The following PITPNC1 variants were observed in gnomAD, a reference collection of about 807,000 sequenced individuals.
PITPNC1 encodes cytoplasmic phosphatidylinositol transfer protein 1.
In PITPNC1, 18 loss-of-function variants were observed where a neutral mutation model predicts 44.7. The observed-to-expected ratio is 0.40, with a 90% CI of 0.28 to 0.60. The LOEUF (loss-of-function observed/expected upper bound fraction) is 0.60. Ranked by LOEUF, PITPNC1 falls within the 20% of genes least tolerant of loss-of-function variation. PITPNC1 has a pLI of 0.39. For missense variants in PITPNC1, 290 were observed against 418.4 expected, an observed-to-expected ratio of 0.69 and a Z score of 2.68; for synonymous variants, 141 against 149.6, an observed-to-expected ratio of 0.94 and a Z score of 0.42.
intron 7 of PITPNC1, among the ~76,000 whole-genome samples, chr17:67,675,177 A>C (rs1256611121): frequency 6.6e-6 from 1 of 152,148 alleles, no homozygotes; most frequent in Non-Finnish European, 1.5e-5. Flanking sequence ...TAACCTAGAT[A>C]TTTATTTGTA....
chr17:67,382,512 G>T (rs1159740012), intron 1 of PITPNC1, among the ~76,000 whole-genome samples: 3 of 152,132 alleles, frequency 2.0e-5, no homozygotes, highest in Non-Finnish European at 4.4e-5. Flanking sequence ...CTGTTGGAAA[G>T]GTATGAACAG....
chr17:67,399,468 G>A (rs2038275571), intron 1 of PITPNC1, among the ~76,000 whole-genome samples: 1 of 152,150 alleles, frequency 6.6e-6, no homozygotes, highest in South Asian at 2.1e-4. Context: ...CAAATGCGTT[G>A]TTGATGTTGA....
chr17:67,607,967 C>A (rs1401614028), intron 5 of PITPNC1, among the ~76,000 whole-genome samples: 2 of 151,904 alleles, frequency 1.3e-5, no homozygotes, highest in African/African-American at 4.8e-5. Flanking sequence ...TGACCTCAGG[C>A]GATTCACCCA....
intron 8 of PITPNC1, among the ~76,000 whole-genome samples, chr17:67,677,593 A>AGTCTCGCACTGTCGTACGT (rs2042625854): frequency 6.8e-6 from 1 of 147,036 alleles, no homozygotes; most frequent in Admixed American, 6.6e-5. Flanking sequence ...TTTGAGACAG[A>AGTCTCGCACTGTCGTACGT]GTCTCGCACT....
At chr17:67,675,437 T>G (rs753144727) in intron 7 of PITPNC1, 42 bp from the exon 8 acceptor site, 1 of 1,334,540 alleles carries the variant, frequency 7.5e-7, no homozygotes, top group South Asian at 1.2e-5. Flanking sequence ...ATAGTTTTCA[T>G]CAAAGATGCT....
At chr17:67,604,403 C>T (rs1276345599) in intron 5 of PITPNC1, among the ~76,000 whole-genome samples, 1 of 152,208 alleles carries the variant, frequency 6.6e-6, no homozygotes, top group Admixed American at 6.5e-5. Flanking sequence ...CTTATGAAAG[C>T]AGATTCTCAG....
chr17:67,648,083 A>G (rs535258927), intron 6 of PITPNC1, among the ~76,000 whole-genome samples: 8 of 152,332 alleles, frequency 5.3e-5, no homozygotes, highest in African/African-American at 1.9e-4. Flanking sequence ...TGGCTTATTG[A>G]ACATCTCTAC....
At chr17:67,611,943 A>C (rs2041692576) in intron 5 of PITPNC1, 1 of 152,226 alleles carries the variant, frequency 6.6e-6, no homozygotes, top group South Asian at 2.1e-4. Context: ...AGCGAAGACA[A>C]GCCACTTATT....
chr17:67,442,216 T>G, intron 1 of PITPNC1, among the ~76,000 whole-genome samples: 1 of 84,204 alleles, frequency 1.2e-5, no homozygotes. Flanking sequence ...TATATATATA[T>G]ATATATATAT....
Position 67,648,651 on chromosome 17 carries a change from A to G in PITPNC1, c.462+16413A>G, listed in dbSNP as rs922678797. Among the ~76,000 whole-genome samples the G allele has an allele frequency of 7.9e-5, 12 of 152,186 alleles. 1 individual carries two copies. Among genetic ancestry groups the G allele is most frequent in the Non-Finnish European group, 1.6e-4 (11 of 68,040 alleles). Reference sequence around the variant, plus strand: ...GGGGACAAAGAGGAATTGGGACTCCACATTCACCAGGCAGCTGCTAATCAC... The same window carrying G: ...GGGGACAAAGAGGAATTGGGACTCCGCATTCACCAGGCAGCTGCTAATCAC... On this transcript the variant is annotated intron_variant, in intron 6 of 8. Transcript: ENST00000581322.
In PITPNC1 at chr17:67,632,124, TG is replaced by T; in HGVS notation, c.367-18del. 6.5e-7 allele frequency: 1 copy of T among 1,539,036 alleles called. No homozygotes were observed. The highest frequency in any genetic ancestry group is 9.0e-7 in the Non-Finnish European group (1 of 1,111,540). The stretch of plus-strand genomic sequence containing the variant: ...CACCTGCTATCACTAACCTTTGATA[TG>T]TTGCTCTGCTTTTTCAGATTTTCGA... On this transcript the variant is annotated intron_variant, in intron 5 of 8. Coordinates refer to ENST00000581322, the MANE Select transcript of PITPNC1 (RefSeq NM_012417.4).
intron 4 of PITPNC1, among the ~76,000 whole-genome samples, chr17:67,577,286 G>A (rs994223235): frequency 5.3e-5 from 8 of 151,706 alleles, no homozygotes; most frequent in African/African-American, 1.9e-4. Flanking sequence ...GTAAGACTCT[G>A]TCTCAAAAAT....
chr17:67,598,504 G>T (rs1298586039), intron 5 of PITPNC1, among the ~76,000 whole-genome samples: 3 of 152,212 alleles, frequency 2.0e-5, no homozygotes, highest in African/African-American at 7.2e-5. Context: ...CTTTGAAGGT[G>T]CTTAGGTCTT....
intron 5 of PITPNC1, among the ~76,000 whole-genome samples, chr17:67,603,166 A>T (rs1221993375): frequency 1.3e-5 from 2 of 152,162 alleles, no homozygotes; most frequent in Non-Finnish European, 2.9e-5. Flanking sequence ...TGCTGACTTG[A>T]GTGATTATGG....
At chr17:67,684,735 G>C (rs1455984122) in intron 8 of PITPNC1, among the ~76,000 whole-genome samples, 1 of 152,104 alleles carries the variant, frequency 6.6e-6, no homozygotes, top group East Asian at 1.9e-4. Context: ...ATTGCATAGT[G>C]CTATCAGTCC....
intron 6 of PITPNC1, among the ~76,000 whole-genome samples, chr17:67,651,302 C>A (rs1326283341): frequency 6.6e-6 from 1 of 152,162 alleles, no homozygotes; most frequent in Non-Finnish European, 1.5e-5. Context: ...CACCTGAGGT[C>A]AGGAGCTTGA....
At chr17:67,450,514 C>A (rs561506155) in intron 1 of PITPNC1, among the ~76,000 whole-genome samples, 1 of 152,268 alleles carries the variant, frequency 6.6e-6, no homozygotes, top group Non-Finnish European at 1.5e-5. Context: ...CAGCCTCACC[C>A]TCTCCGGCTC....
chr17:67,427,207 C>CTATT (rs1432801224), intron 1 of PITPNC1, among the ~76,000 whole-genome samples: 5 of 152,100 alleles, frequency 3.3e-5, no homozygotes, highest in Admixed American at 6.6e-5. Context: ...TACTTTCTCA[C>CTATT]TATTTATTTA....
At chr17:67,428,612 T>G (rs1400635571) in intron 1 of PITPNC1, among the ~76,000 whole-genome samples, 1 of 151,862 alleles carries the variant, frequency 6.6e-6, no homozygotes, top group Non-Finnish European at 1.5e-5. Context: ...GTAATGAGAT[T>G]ATAGATGATT....
Sources: allele counts gnomAD v4.1 joint callset (sites outside exome capture counted in the v4.1 genomes callset), GRCh38; gene constraint gnomAD v4.1.1; transcripts MANE v1.5; gene names NCBI Gene and HGNC (gene_info 2026-07-23, HGNC 2026-07-21).